The following TXLNB variants were observed in gnomAD, a reference collection of about 807,000 sequenced individuals.
TXLNB encodes beta-taxilin.
TXLNB carries 37 observed loss-of-function variants against 57.4 expected under a neutral mutation model. The observed-to-expected ratio is 0.64, with a 90% confidence interval of 0.50 to 0.85. The LOEUF (loss-of-function observed/expected upper bound fraction) is 0.85. TXLNB is among the 40% of genes least tolerant of loss of function. TXLNB has a pLI of 0.00. For missense variants in TXLNB, 848 were observed against 825.6 expected (o/e 1.03, Z -0.33); for synonymous variants, 302 against 309.6 (o/e 0.98, Z 0.26).
rs1459354012 is a variant in TXLNB, at chr6:139,276,867, T to C, written c.479A>G (p.Glu160Gly). Residue 160 changes from glutamate (E) to glycine (G), a missense_variant, in exon 3 of 10, where the codon GAA becomes GGA. By Grantham distance (98) the Glu-to-Gly change is moderately conservative. Coordinates refer to ENST00000358430, the MANE Select transcript of TXLNB (RefSeq NM_153235.4). ...QNLNKLQTPE[E>G]KFDFLFKKYA... ...CTTCTTGAATAAAAAATCAAACTTT[T>C]CTTCCGGTGTTTGCAACTTGTTCAG... 1 of 1,601,926 alleles carries C rather than the reference T, an allele frequency of 6.2e-7. No individual in the cohort carries two copies.
At chr6:139,279,575 G>T (rs1045593140) in intron 2 of TXLNB, among the ~76,000 whole-genome samples, 1 of 152,204 alleles carries the variant, frequency 6.6e-6, no homozygotes, top group African/African-American at 2.4e-5. Flanking sequence ...ACTTCCATTG[G>T]TGTTGTGGGA....
At chr6:139,219,514 G>A in the TXLNB span, among the ~76,000 whole-genome samples, 1 of 152,242 alleles carries the variant, frequency 6.6e-6, no homozygotes, top group African/African-American at 2.4e-5. Flanking sequence ...TATCAGTGCG[G>A]TGGCAGCTGC....
intron 7 of TXLNB, among the ~76,000 whole-genome samples, chr6:139,248,272 CAAA>C (rs59145478): frequency 6.1e-5 from 5 of 81,462 alleles, no homozygotes; most frequent in African/African-American, 4.5e-5. Context: ...GACTCCGTCT[CAAA>C]AAAAAAAAAA....
At chr6:139,166,447 C>A in the TXLNB span, 1 of 1,614,192 alleles carries the variant, frequency 6.2e-7, no homozygotes. Context: ...TCGTCCAGTT[C>A]AACTGCATCG....
intron 2 of TXLNB, 148 bp downstream of exon 2, chr6:139,288,328 G>T: frequency 1.3e-6 from 1 of 777,614 alleles, no homozygotes; most frequent in Non-Finnish European, 2.0e-6. Flanking sequence ...GAGGGGTAAG[G>T]GCTGGGGACA....
At chr6:139,305,671 G>A in the TXLNB span, among the ~76,000 whole-genome samples, 3 of 152,260 alleles carry the variant, frequency 2.0e-5, no homozygotes, top group Admixed American at 6.5e-5. Flanking sequence ...GATTTCTATA[G>A]GAAGATAGAA....
chr6:139,211,102 T>C, the TXLNB span, among the ~76,000 whole-genome samples: 10 of 152,356 alleles, frequency 6.6e-5, no homozygotes, highest in African/African-American at 2.2e-4. Context: ...TAGTCTTAAA[T>C]GTCCCTGTCT....
At chr6:139,182,622 T>C in the TXLNB span, among the ~76,000 whole-genome samples, 1 of 152,218 alleles carries the variant, frequency 6.6e-6, no homozygotes, top group South Asian at 2.1e-4. Flanking sequence ...CTTCTTTTTC[T>C]GTTCTCTCAA....
At chr6:139,161,432 A>T in the TXLNB span, among the ~76,000 whole-genome samples, 1 of 152,154 alleles carries the variant, frequency 6.6e-6, no homozygotes, top group African/African-American at 2.4e-5. Context: ...ACAGTGGAGC[A>T]TGGCTGTGAA....
chr6:139,240,232 T>C lies in TXLNB; in HGVS notation c.*2294A>G, dbSNP rs749849822. ...TTTAGAACTTTATGAGTTATTGTTA[T>C]AATTAGTAAGGCTAAATTTTAACAC... On this transcript the variant is annotated 3_prime_UTR_variant, in exon 10 of 10. Coordinates refer to ENST00000358430, the MANE Select transcript of TXLNB (RefSeq NM_153235.4). 1 of 152,668 alleles carries C rather than the reference T, an allele frequency of 6.6e-6. No individual in the cohort carries two copies. Among genetic ancestry groups the C allele is most frequent in the African/African-American group, 2.4e-5 (1 of 41,462 alleles). The allele number at this position is 152,668 out of a possible 1,614,324, so 9.5% of individuals were successfully genotyped here. A position where few individuals can be genotyped will look rare whatever the true frequency, so the allele number is the denominator to read the frequency against.
At chr6:139,207,729 G>A in the TXLNB span, among the ~76,000 whole-genome samples, 11 of 152,098 alleles carry the variant, frequency 7.2e-5, no homozygotes, top group East Asian at 3.9e-4. Context: ...TTGATGGCCC[G>A]TTAGTGAGAC....
In TXLNB at chr6:139,248,049, G is replaced by C. The variant is rs148251460; in HGVS notation, c.1078-140C>G. Reference sequence around the variant, plus strand: ...TTTACTACAAGATTAACCTAGGCCAGTGAGCATGATTGAAATGCTTCTTTA... The same window carrying C: ...TTTACTACAAGATTAACCTAGGCCACTGAGCATGATTGAAATGCTTCTTTA... On this transcript the variant is annotated intron_variant, in intron 7 of 9. Coordinates refer to ENST00000358430, the MANE Select transcript of TXLNB (RefSeq NM_153235.4). 2.1e-3 allele frequency: 1,020 copies of C among 480,018 alleles called. 12 individuals carry two copies. Among genetic ancestry groups the C allele is most frequent in the African/African-American group, 0.019 (935 of 49,678 alleles). 29.7% of individuals were successfully genotyped at this position (480,018 alleles called of 1,614,324 possible). A position where few individuals can be genotyped will look rare whatever the true frequency, so the allele number is the denominator to read the frequency against.
the TXLNB span, among the ~76,000 whole-genome samples, chr6:139,314,260 A>G: frequency 6.6e-6 from 1 of 152,198 alleles, no homozygotes; most frequent in Non-Finnish European, 1.5e-5. Flanking sequence ...GATAAGAGAC[A>G]TTTACCATAT....
the TXLNB span, chr6:139,174,577 T>C: frequency 3.1e-6 from 5 of 1,600,878 alleles, no homozygotes; most frequent in Admixed American, 1.7e-5. Context: ...GTGGGTGATA[T>C]TAGGCTTCTG....
At chr6:139,244,838 C>G (rs527474234) in intron 8 of TXLNB, 148 bp from the exon 9 acceptor site, 1 of 631,012 alleles carries the variant, frequency 1.6e-6, no homozygotes, top group South Asian at 1.9e-5. Context: ...AAGATTGTAG[C>G]AGAGTCATAA....
chr6:139,159,642 A>G, the TXLNB span, among the ~76,000 whole-genome samples: 1 of 152,132 alleles, frequency 6.6e-6, no homozygotes, highest in African/African-American at 2.4e-5. Context: ...CCATGGGTTC[A>G]CCCTCTCTCT....
rs771758315 is a variant in TXLNB, at chr6:139,270,453, T to C, written c.687+3A>G. The C allele has an allele frequency of 5.0e-6, 8 of 1,612,708 alleles. No homozygotes were observed. In the South Asian group the frequency reaches 5.5e-5, roughly 11 times the overall value. On this transcript the variant is annotated splice_donor_region_variant and intron_variant, in intron 4 of 9. Coordinates refer to ENST00000358430, the MANE Select transcript of TXLNB (RefSeq NM_153235.4). ...TATGTTATTCTGAGGCATGGGGACA[T>C]ACCTTCAGAGTCTTGTTGTGTCTCT...
chr6:139,274,428 A>G (rs1776843130), intron 3 of TXLNB, among the ~76,000 whole-genome samples: 1 of 152,212 alleles, frequency 6.6e-6, no homozygotes. Context: ...CTTTTCTGAA[A>G]AGGAAATGTG....
the TXLNB span, among the ~76,000 whole-genome samples, chr6:139,323,115 C>A: frequency 6.6e-6 from 1 of 152,046 alleles, no homozygotes; most frequent in Non-Finnish European, 1.5e-5. Context: ...CATTTTGGAC[C>A]AGTGACTATG....
Sources: gnomAD v4.1 joint callset for allele counts (sites outside exome capture counted in the v4.1 genomes callset) on GRCh38, gnomAD v4.1.1 for gene constraint, MANE v1.5 for transcripts, NCBI Gene and HGNC (gene_info 2026-07-23, HGNC 2026-07-21) for gene names.